The following UAP1L1 variants were observed in gnomAD, a reference collection of about 807,000 sequenced individuals.
UAP1L1 encodes UDP-N-acetylglucosamine pyrophosphorylase 1 like 1, also known as UDP-N-acetylhexosamine pyrophosphorylase-like protein 1.
Under a neutral mutation model 45.3 loss-of-function variants are expected in UAP1L1, and 45 were observed. That is an observed-to-expected ratio of 0.99 (90% CI 0.78 to 1.27). The LOEUF is 1.27. UAP1L1 is among the 50% of genes most tolerant of loss of function. The pLI, the probability that UAP1L1 is intolerant of heterozygous loss-of-function variation, is 0.00. For synonymous variants in UAP1L1, 323 were observed against 303.9 expected, an observed-to-expected ratio of 1.06 and a Z score of -0.65; for missense variants, 667 against 694.0, an observed-to-expected ratio of 0.96 and a Z score of 0.44.
rs1437975101 is a variant in UAP1L1 at position 137,080,159 on chromosome 9, A to G, written c.1178+17A>G. On this transcript the variant is annotated intron_variant, in intron 6 of 8. Transcript: ENST00000409858. ...GTTTGCTAAGTTAGTAGTAGAACTC[A>G]TTTATTTTCCCCTTCTTCCTTCTCT... 1 of 1,612,992 alleles carries G rather than the reference A, an allele frequency of 6.2e-7. No homozygotes were observed. Among genetic ancestry groups the G allele is most frequent in the Non-Finnish European group, 8.5e-7 (1 of 1,179,166 alleles).
Position 137,084,141 on chromosome 9 carries a change from CTG to C in UAP1L1, c.*1413_*1414del, listed in dbSNP as rs1482117942. The C allele has an allele frequency of 6.6e-6, 1 of 152,150 alleles. No individual in the cohort carries two copies. The highest frequency in any genetic ancestry group is 1.5e-5 in the Non-Finnish European group (1 of 68,044). The allele number at this position is 152,150 out of a possible 1,614,324, so 9.4% of individuals were successfully genotyped here. On this transcript the variant is annotated 3_prime_UTR_variant, in exon 9 of 9. Transcript: ENST00000409858. ...TCATAGCTGTTCCTCATGGCCATGA[CTG>C]GAACAGGGATGCAACCTCTTTCTAC...
Position 137,078,488 on chromosome 9 carries a change from C to T in UAP1L1, c.495-14C>T, listed in dbSNP as rs1356982241. ...AGGCGTACTCGCGGCCGGCTCACCG[C>T]GCCTCCCTTGCAGGTACGTCATGAC... is the stretch of plus-strand genomic sequence containing the variant. On this transcript the variant is annotated splice_polypyrimidine_tract_variant and intron_variant, in intron 2 of 8. Coordinates refer to ENST00000409858, the MANE Select transcript of UAP1L1 (RefSeq NM_207309.3). The T allele has an allele frequency of 1.9e-6, 3 of 1,612,890 alleles. No individual in the cohort carries two copies. Among genetic ancestry groups the T allele is most frequent in the Non-Finnish European group, 2.5e-6 (3 of 1,179,962 alleles).
intron 7 of UAP1L1, among the ~76,000 whole-genome samples, chr9:137,081,671 T>C (rs1191627556): frequency 6.6e-6 from 1 of 152,198 alleles, no homozygotes; most frequent in Non-Finnish European, 1.5e-5. Flanking sequence ...ATTTAGAAAG[T>C]AGCAGGACAG....
Position 137,078,970 on chromosome 9 carries a change from CT to C in UAP1L1, c.671-5del. 2 of 1,583,032 alleles carry C rather than the reference CT, an allele frequency of 1.3e-6. No individual in the cohort carries two copies. Among genetic ancestry groups the C allele is most frequent in the Non-Finnish European group, 1.7e-6 (2 of 1,170,212 alleles). The stretch of plus-strand genomic sequence containing the variant: ...TCGCGATGCCCATTCCCTTCTCCGT[CT>C]GCAGACGGCAACGGGGGCCTCTACT... On this transcript the variant is annotated splice_region_variant and splice_polypyrimidine_tract_variant and intron_variant, in intron 3 of 8. Transcript: ENST00000409858.
Position 137,082,686 on chromosome 9 carries a change from T to C in UAP1L1, c.1481T>C (p.Leu494Pro). 3 of 1,552,140 alleles carry C rather than the reference T, an allele frequency of 1.9e-6. No homozygotes were observed. ...QGREFQSPLI[L>P]DEDQAREPQL... is the part of the protein sequence containing the mutation. ...CGGGAGTTCCAGTCCCCGCTCATCCTGGATGAAGACCAGGCCAGGGAGCCG... is the reference window on the plus strand; with the variant it reads ...CGGGAGTTCCAGTCCCCGCTCATCCCGGATGAAGACCAGGCCAGGGAGCCG... Residue 494 changes from leucine (L) to proline (P), a missense_variant, in exon 9 of 9, where the codon CTG becomes CCG. Physicochemically the swap from Leu to Pro is moderately conservative, Grantham distance 98. Coordinates refer to ENST00000409858, the MANE Select transcript of UAP1L1 (RefSeq NM_207309.3). The surrounding 1 kb of genome is among the most constrained non-coding windows in gnomAD (Gnocchi z 5.7).
intron 5 of UAP1L1, 145 bp downstream of exon 5, chr9:137,079,594 G>A (rs1832760128): frequency 1.4e-6 from 1 of 726,950 alleles, no homozygotes; most frequent in African/African-American, 1.8e-5. Context: ...GATGGGTCGG[G>A]GTGGAGAATG....
Position 137,082,711 on chromosome 9 carries a change from G to T in UAP1L1, c.1506G>T (p.Pro502=). 2 of 1,550,336 alleles carry T rather than the reference G, an allele frequency of 1.3e-6. No individual in the cohort carries two copies. The highest frequency in any genetic ancestry group is 1.7e-6 in the Non-Finnish European group (2 of 1,147,160). Residue 502 remains proline (P), a synonymous_variant, in exon 9 of 9, where the codon CCG becomes CCT. Coordinates refer to ENST00000409858, the MANE Select transcript of UAP1L1 (RefSeq NM_207309.3). The surrounding 1 kb of genome is among the most constrained non-coding windows in gnomAD (Gnocchi z 5.7). ...TGGATGAAGACCAGGCCAGGGAGCC[G>T]CAGCTGCAGGAGTCCTGACCCGCCC... ...LILDEDQARE[P]QLQES
rs1282985848 is a variant in UAP1L1, at chr9:137,078,877, C to T, written c.671-99C>T. 6.9e-6 allele frequency: 10 copies of T among 1,439,358 alleles called. No individual in the cohort carries two copies. In the Admixed American group the frequency reaches 2.1e-4, roughly 30 times the overall value. 89.2% of individuals were successfully genotyped at this position (1,439,358 alleles called of 1,614,324 possible). On this transcript the variant is annotated intron_variant, in intron 3 of 8. Coordinates refer to ENST00000409858, the MANE Select transcript of UAP1L1 (RefSeq NM_207309.3). ...GGTTAGTGACCAGGGCTGCCTTAGG[C>T]ACAAGGCCGGGGCTTCCCCCGCCTC... is the stretch of plus-strand genomic sequence containing the variant.
rs544241521 is a variant in UAP1L1, at chr9:137,081,711, C to T, written c.1365-287C>T. 1.1e-4 allele frequency among the ~76,000 whole-genome samples: 17 copies of T among 152,252 alleles called. No homozygotes were observed. In the South Asian group the frequency reaches 2.9e-3, roughly 26 times the overall value. Reference sequence around the variant, plus strand: ...ATTTCAGGGCTGGGAAAGAAAAGGACGTTTGGCTTCCATCTCCCTGATTTT... The same window carrying T: ...ATTTCAGGGCTGGGAAAGAAAAGGATGTTTGGCTTCCATCTCCCTGATTTT... On this transcript the variant is annotated intron_variant, in intron 7 of 8. Coordinates refer to ENST00000409858, the MANE Select transcript of UAP1L1 (RefSeq NM_207309.3).
rs760342367 is a variant in UAP1L1, at chr9:137,082,037, A to G, written c.1404A>G (p.Ile468Met). ...GAGACCCTCCGGCCATCTGTGAGAT[A>G]TCGCCCTTGGTGTCTTACTCTGGAG... ...PNGDPPAICE[I>M]SPLVSYSGEG... The change falls in exon 8 of 9, where the codon ATA becomes ATG. Residue 468 changes from isoleucine (I) to methionine (M), a missense_variant. Ile to Met is a conservative substitution (Grantham distance 10). Coordinates refer to ENST00000409858, the MANE Select transcript of UAP1L1 (RefSeq NM_207309.3). The surrounding 1 kb of genome is among the most constrained non-coding windows in gnomAD (Gnocchi z 5.7). The G allele has an allele frequency of 1.2e-6, 2 of 1,614,068 alleles. No individual in the cohort carries two copies. Among genetic ancestry groups the G allele is most frequent in the South Asian group, 1.1e-5 (1 of 91,082 alleles).
At chr9:137,081,724 T>A (rs1832790339) in intron 7 of UAP1L1, among the ~76,000 whole-genome samples, 1 of 152,166 alleles carries the variant, frequency 6.6e-6, no homozygotes, top group South Asian at 2.1e-4. Flanking sequence ...TTGGCTTCCA[T>A]CTCCCTGATT....
At position 137,078,195 on chromosome 9, in the gene UAP1L1, G is replaced by C; in HGVS notation, c.435G>C (p.Arg145=). 6.5e-7 allele frequency: 1 copy of C among 1,549,358 alleles called. No homozygotes were observed. Among genetic ancestry groups the C allele is most frequent in the Non-Finnish European group, 8.7e-7 (1 of 1,146,736 alleles). Residue 145 remains arginine (R), a synonymous_variant, in exon 2 of 9, where the codon CGG becomes CGC. Transcript: ENST00000409858. The part of the protein sequence containing the change: ...RKTLYQLQAE[R]IRRVEQLAGE... The stretch of plus-strand genomic sequence containing the variant: ...CCCTGTACCAGCTGCAGGCGGAGCG[G>C]ATTCGGCGGGTGGAGCAGCTGGCCG...
chr9:137,078,127 T>C lies in UAP1L1; in HGVS notation c.367T>C (p.Tyr123His). The change falls in exon 2 of 9, where the codon TAC becomes CAC. Residue 123 changes from tyrosine to histidine, a missense_variant. By Grantham distance (83) the Tyr-to-His change is moderately conservative. Coordinates refer to ENST00000409858, the MANE Select transcript of UAP1L1 (RefSeq NM_207309.3). ...GCAGGGCACTCGCCTGGGCGTGACC[T>C]ACCCCAAGGGTATGTACCGTGTGGG... Reference protein sequence around the residue: ...GGQGTRLGVTYPKGMYRVGLP... With the variant: ...GGQGTRLGVTHPKGMYRVGLP... The C allele has an allele frequency of 1.3e-6, 2 of 1,550,252 alleles. No homozygotes were observed. The highest frequency in any genetic ancestry group is 1.7e-6 in the Non-Finnish European group (2 of 1,146,878).
chr9:137,078,125 C>T lies in UAP1L1; in HGVS notation c.365C>T (p.Thr122Ile), dbSNP rs1405509165. The T allele has an allele frequency of 9.0e-6, 14 of 1,550,126 alleles. No homozygotes were observed. The highest frequency in any genetic ancestry group is 1.2e-5 in the Non-Finnish European group (14 of 1,146,890). ...GGGCAGGGCACTCGCCTGGGCGTGACCTACCCCAAGGGTATGTACCGTGTG... is the reference window on the plus strand; with the variant it reads ...GGGCAGGGCACTCGCCTGGGCGTGATCTACCCCAAGGGTATGTACCGTGTG... ...AGGQGTRLGV[T>I]YPKGMYRVGL... The change falls in exon 2 of 9, where the codon ACC becomes ATC. Residue 122 changes from threonine (T) to isoleucine (I), a missense_variant. Coordinates refer to ENST00000409858, the MANE Select transcript of UAP1L1 (RefSeq NM_207309.3).
Position 137,079,413 on chromosome 9 carries a change from ACTT to A in UAP1L1, c.1006_1008del (p.Phe336del), listed in dbSNP as rs2131541620. The A allele has an allele frequency of 6.2e-7, 1 of 1,600,616 alleles. No individual in the cohort carries two copies. Among genetic ancestry groups the A allele is most frequent in the Non-Finnish European group, 8.5e-7 (1 of 1,170,934 alleles). On this transcript the variant is annotated inframe_deletion, in exon 5 of 9. Transcript: ENST00000409858. Reference sequence around the variant, plus strand: ...TACAATGCAGGCAACATCTGCAACCACTTCTTCACCCGAGGCTTCCTTAAGGCG... The same window carrying A: ...TACAATGCAGGCAACATCTGCAACCACTTCACCCGAGGCTTCCTTAAGGCG...
Position 137,077,785 on chromosome 9 carries a change from A to C in UAP1L1, c.253A>C (p.Ser85Arg). Reference protein sequence around the residue: ...PPERVGRASRSDPETRRRWEE... With the variant: ...PPERVGRASRRDPETRRRWEE... ...AGAGCGCGTGGGCAGGGCCAGCCGC[A>C]GCGACCCCGAGACACGGCGGCGCTG... The change falls in exon 1 of 9, where the codon AGC becomes CGC. Residue 85 changes from serine (S) to arginine (R), a missense_variant. Physicochemically the swap from Ser to Arg is moderately radical, Grantham distance 110. Coordinates refer to ENST00000409858, the MANE Select transcript of UAP1L1 (RefSeq NM_207309.3). This position sits in a 1 kb window ranked among gnomAD's most constrained non-coding sequence, Gnocchi z 4.7. 1 of 1,366,922 alleles carries C rather than the reference A, an allele frequency of 7.3e-7. No individual in the cohort carries two copies. 84.7% of individuals were successfully genotyped at this position (1,366,922 alleles called of 1,614,324 possible).
Position 137,080,766 on chromosome 9 carries a change from G to C in UAP1L1, c.1256G>C (p.Ser419Thr). The C allele has an allele frequency of 6.2e-7, 1 of 1,612,864 alleles. No homozygotes were observed. Among genetic ancestry groups the C allele is most frequent in the Non-Finnish European group, 8.5e-7 (1 of 1,179,968 alleles). Residue 419 changes from serine (S) to threonine (T), a missense_variant, in exon 7 of 9, where the codon AGT (serine) becomes ACT (threonine). Physicochemically the swap from Ser to Thr is moderately conservative, Grantham distance 58. Coordinates refer to ENST00000409858, the MANE Select transcript of UAP1L1 (RefSeq NM_207309.3). Reference protein sequence around the residue: ...LKNAEPADRDSPRTARQALLT... With the variant: ...LKNAEPADRDTPRTARQALLT... ...AACGCAGAGCCAGCCGACAGGGACA[G>C]TCCCCGCACCGCTCGCCAGGCCCTG...
At chr9:137,078,409 G>A (rs2131540171) in intron 2 of UAP1L1, 93 bp from the exon 3 acceptor site, 7 of 1,600,974 alleles carry the variant, frequency 4.4e-6, no homozygotes, top group Non-Finnish European at 6.0e-6. Flanking sequence ...ACTGGACACT[G>A]GACCCCGAAC....
chr9:137,078,886 G>A, intron 3 of UAP1L1, 90 bp from the exon 4 acceptor site: 2 of 1,468,872 alleles, frequency 1.4e-6, no homozygotes, highest in Non-Finnish European at 1.8e-6. Context: ...GCACAAGGCC[G>A]GGGCTTCCCC....
Sources: allele counts gnomAD v4.1 joint callset (sites outside exome capture counted in the v4.1 genomes callset), GRCh38; gene constraint gnomAD v4.1.1; non-coding constraint Gnocchi (gnomAD v3.1); transcripts MANE v1.5; gene names NCBI Gene and HGNC (gene_info 2026-07-23, HGNC 2026-07-21).